The following PDE10A variants were observed in gnomAD, a reference collection of about 807,000 sequenced individuals.
PDE10A encodes cAMP and cAMP-inhibited cGMP 3',5'-cyclic phosphodiesterase 10A.
PDE10A carries 39 observed loss-of-function variants against 97.7 expected under a neutral mutation model. The observed-to-expected ratio is 0.40, with a 90% CI of 0.31 to 0.52. PDE10A has a LOEUF of 0.52. Ranked by LOEUF, PDE10A falls within the 20% of genes least tolerant of loss-of-function variation. PDE10A has a pLI of 0.56. For missense variants in PDE10A, 731 were observed against 1,047.8 expected (o/e 0.70, Z 4.17); for synonymous variants, 371 against 376.8 (o/e 0.98, Z 0.18).
At chr6:165,918,394 A>G (rs1392837291) in intron 1 of PDE10A, among the ~76,000 whole-genome samples, 1 of 152,222 alleles carries the variant, frequency 6.6e-6, no homozygotes, top group Non-Finnish European at 1.5e-5. Context: ...TTCAAACCAG[A>G]ACATACTGTA....
intron 1 of PDE10A, among the ~76,000 whole-genome samples, chr6:165,875,731 G>GTTTTTTTTTGTTTTT (rs1554334699): frequency 4.3e-5 from 2 of 46,948 alleles, no homozygotes; most frequent in Non-Finnish European, 8.5e-5. Flanking sequence ...TTCTTTTACT[G>GTTTTTTTTTGTTTTT]TTTTTTTTTT....
intron 3 of PDE10A, among the ~76,000 whole-genome samples, chr6:165,477,237 T>A (rs1486518981): frequency 6.6e-6 from 1 of 152,188 alleles, no homozygotes; most frequent in Non-Finnish European, 1.5e-5. Flanking sequence ...ACCATCTGCA[T>A]GGAAAGCTCC....
At chr6:165,368,308 A>AT (rs1170522048) in intron 18 of PDE10A, among the ~76,000 whole-genome samples, 4 of 152,200 alleles carry the variant, frequency 2.6e-5, no homozygotes, top group African/African-American at 9.6e-5. Context: ...TATTTCTTAA[A>AT]TTCTTTAATA....
intron 1 of PDE10A, among the ~76,000 whole-genome samples, chr6:165,738,183 C>G (rs897145468): frequency 7.7e-4 from 96 of 124,072 alleles, no homozygotes; most frequent in African/African-American, 2.9e-3. Context: ...CCACAACAGT[C>G]CCCAGAGTGT....
intron 1 of PDE10A, among the ~76,000 whole-genome samples, chr6:165,609,105 T>G (rs1269461296): frequency 6.6e-6 from 1 of 152,068 alleles, no homozygotes; most frequent in Non-Finnish European, 1.5e-5. Flanking sequence ...AGAAGCTCTT[T>G]AGTTTAATTA....
chr6:165,398,520 A>T (rs1786369152), intron 13 of PDE10A, among the ~76,000 whole-genome samples: 1 of 150,928 alleles, frequency 6.6e-6, no homozygotes, highest in Non-Finnish European at 1.5e-5. Flanking sequence ...AAAAGGTTGT[A>T]TTGGCTGTTC....
intron 1 of PDE10A, among the ~76,000 whole-genome samples, chr6:165,601,239 T>C (rs828563): frequency 0.71 from 108,018 of 152,018 alleles, 38,756 homozygotes; most frequent in East Asian, 0.96. Flanking sequence ...TGAGGCCTCC[T>C]CAGCCACGTG....
chr6:165,842,817 C>T (rs1780298244), intron 1 of PDE10A, among the ~76,000 whole-genome samples: 2 of 152,212 alleles, frequency 1.3e-5, no homozygotes, highest in Admixed American at 1.3e-4. Context: ...CTACACCTTG[C>T]AGTTAAAACG....
At chr6:165,900,459 G>A (rs566600832) in intron 1 of PDE10A, among the ~76,000 whole-genome samples, 2 of 152,004 alleles carry the variant, frequency 1.3e-5, no homozygotes, top group South Asian at 2.1e-4. Context: ...GTGACAGAGC[G>A]AGACTGTGTC....
At chr6:165,513,253 T>C (rs1781602718) in intron 2 of PDE10A, among the ~76,000 whole-genome samples, 1 of 152,036 alleles carries the variant, frequency 6.6e-6, no homozygotes, top group African/African-American at 2.4e-5. Flanking sequence ...TTATAGTTAT[T>C]GTTTATATAA....
chr6:165,702,012 A>T (rs1018155775), intron 1 of PDE10A, among the ~76,000 whole-genome samples: 1 of 152,196 alleles, frequency 6.6e-6, no homozygotes, highest in African/African-American at 2.4e-5. Flanking sequence ...CTACAGGACA[A>T]GTGGGGAGGG....
chr6:165,701,745 A>C (rs564613589), intron 1 of PDE10A, among the ~76,000 whole-genome samples: 1 of 151,672 alleles, frequency 6.6e-6, no homozygotes, highest in African/African-American at 2.4e-5. Flanking sequence ...GTGTGTGTGC[A>C]TGTGTGTATG....
intron 1 of PDE10A, among the ~76,000 whole-genome samples, chr6:165,911,905 G>A (rs780409185): frequency 2.0e-5 from 3 of 152,124 alleles, no homozygotes. Context: ...GTTTTCCTCT[G>A]GGAGACGGCT....
At chr6:165,815,807 G>C (rs1234187110) in intron 1 of PDE10A, among the ~76,000 whole-genome samples, 2 of 152,048 alleles carry the variant, frequency 1.3e-5, no homozygotes, top group Non-Finnish European at 2.9e-5. Context: ...AGCCCATTCT[G>C]GTCCCTTTTG....
intron 1 of PDE10A, among the ~76,000 whole-genome samples, chr6:165,862,408 C>T (rs1389604621): frequency 3.9e-5 from 6 of 152,164 alleles, no homozygotes; most frequent in Non-Finnish European, 8.8e-5. Context: ...AAATGCAGCA[C>T]ATACTTACAC....
chr6:165,404,901 T>C (rs1036092994), intron 13 of PDE10A, among the ~76,000 whole-genome samples: 1 of 152,264 alleles, frequency 6.6e-6, no homozygotes, highest in East Asian at 1.9e-4. Flanking sequence ...TTCTGTTTCT[T>C]TCTCAGTAGA....
intron 1 of PDE10A, among the ~76,000 whole-genome samples, chr6:165,809,185 CT>C (rs1779213884): frequency 6.6e-6 from 1 of 152,222 alleles, no homozygotes. Context: ...GAAAATTAAG[CT>C]TGTTCTTCCC....
At chr6:165,594,743 T>A (rs752615870) in intron 1 of PDE10A, among the ~76,000 whole-genome samples, 1 of 152,170 alleles carries the variant, frequency 6.6e-6, no homozygotes, top group Non-Finnish European at 1.5e-5. Context: ...AAAGGAGAAA[T>A]GATACCTTTA....
intron 1 of PDE10A, among the ~76,000 whole-genome samples, chr6:165,569,995 ACATT>A (rs1784973082): frequency 6.6e-6 from 1 of 152,184 alleles, no homozygotes; most frequent in African/African-American, 2.4e-5. Flanking sequence ...ACTACAATGT[ACATT>A]CTTCTCTGTT....
Sources: gnomAD v4.1 joint callset for allele counts (sites outside exome capture counted in the v4.1 genomes callset) on GRCh38, gnomAD v4.1.1 for gene constraint, MANE v1.5 for transcripts, NCBI Gene and HGNC (gene_info 2026-07-23, HGNC 2026-07-21) for gene names.